The following AKNAD1 variants were observed in gnomAD, a reference collection of about 807,000 sequenced individuals.
The protein encoded by AKNAD1 is AKNA domain containing 1, also known as protein AKNAD1.
Under a neutral mutation model 90.8 loss-of-function variants are expected in AKNAD1, and 67 were observed. The observed-to-expected ratio is 0.74, with a 90% CI of 0.61 to 0.90. AKNAD1 has a LOEUF of 0.90. Among genes scored for constraint, AKNAD1 ranks in the 40% least tolerant of loss-of-function variants. The pLI is 0.00. For synonymous variants in AKNAD1, 327 were observed against 341.4 expected (o/e 0.96, Z 0.46); for missense variants, 957 against 975.4 (o/e 0.98, Z 0.25).
At chr1:108,857,777 G>C (rs542729021), upstream of AKNAD1, among the ~76,000 whole-genome samples, 2 of 152,140 alleles carry the variant, frequency 1.3e-5, no homozygotes, top group Non-Finnish European at 2.9e-5. Flanking sequence ...GTACAACCAC[G>C]TAACACTCAC....
At chr1:108,849,252 G>C (rs754002609) in intron 3 of AKNAD1, among the ~76,000 whole-genome samples, 192 bp from the exon 4 acceptor site, 94 of 152,188 alleles carry the variant, frequency 6.2e-4, no homozygotes, top group African/African-American at 2.2e-3. Context: ...AGGCCAAAGC[G>C]GGGGGATCAC....
In AKNAD1 at chr1:108,817,168, A is replaced by C. The variant is rs1224601146; in HGVS notation, c.2259T>G (p.Leu753=). The change falls in exon 15 of 16, where the codon CTT becomes CTG. Residue 753 remains leucine (L), a synonymous_variant. Coordinates refer to ENST00000370001, the MANE Select transcript of AKNAD1 (RefSeq NM_152763.5). ...EHEPTPGKKK[L]QAFMTYSSDP... is the part of the protein sequence containing the mutation. ...CTGAGCTGTAGGTCATGAAAGCCTG[A>C]AGTTTTTTTCTGGAAGACAAAAGCA... is the stretch of plus-strand genomic sequence containing the variant. 2 of 1,613,972 alleles carry C rather than the reference A, an allele frequency of 1.2e-6. No individual in the cohort carries two copies. The highest frequency in any genetic ancestry group is 2.2e-5 in the South Asian group (2 of 91,056).
Position 108,849,568 on chromosome 1 carries a change from G to A in AKNAD1, c.1002C>T (p.Pro334=), listed in dbSNP as rs1475665025. The change falls in exon 3 of 16, where the codon CCC becomes CCT. Residue 334 remains proline, a synonymous_variant. Transcript: ENST00000370001. The part of the protein sequence containing the change: ...TEPSQQIQME[P]IVHIHQELLT... ...GAAGTTCTTGGTGGATATGTACTATGGGCTCCATCTGCACAATTAAAGGGT... is the reference window on the plus strand; with the variant it reads ...GAAGTTCTTGGTGGATATGTACTATAGGCTCCATCTGCACAATTAAAGGGT... 2 of 1,596,476 alleles carry A rather than the reference G, an allele frequency of 1.3e-6. No homozygotes were observed. Among genetic ancestry groups the A allele is most frequent in the East Asian group, 4.5e-5 (2 of 44,814 alleles).
At position 108,843,196 on chromosome 1, in the gene AKNAD1, C is replaced by T; in HGVS notation, c.1317G>A (p.Leu439=). ...GCTTGTGGACTTGCTGCTGCAAAGTCAGATGCTTGTCCTTGGTGGCCAGAA... is the reference window on the plus strand; with the variant it reads ...GCTTGTGGACTTGCTGCTGCAAAGTTAGATGCTTGTCCTTGGTGGCCAGAA... The part of the protein sequence containing the change: ...QNFLATKDKH[L]TLQQQVHKHE... The change falls in exon 6 of 16, where the codon CTG becomes CTA. Residue 439 remains leucine (L), a synonymous_variant. Coordinates refer to ENST00000370001, the MANE Select transcript of AKNAD1 (RefSeq NM_152763.5). 6.2e-7 allele frequency: 1 copy of T among 1,614,188 alleles called. No individual in the cohort carries two copies. Among genetic ancestry groups the T allele is most frequent in the African/African-American group, 1.3e-5 (1 of 75,058 alleles).
chr1:108,834,690 C>A (rs957535319), intron 8 of AKNAD1, among the ~76,000 whole-genome samples, 162 bp from the exon 9 acceptor site: 1 of 152,012 alleles, frequency 6.6e-6, no homozygotes, highest in African/African-American at 2.4e-5. Context: ...TTGACCTTCA[C>A]CTCTCCCCGC....
intron 10 of AKNAD1, among the ~76,000 whole-genome samples, chr1:108,828,383 A>G (rs1378081373): frequency 6.6e-6 from 1 of 151,726 alleles, no homozygotes; most frequent in Non-Finnish European, 1.5e-5. Context: ...CCTCCTCAGA[A>G]ATCCCAACTC....
intron 10 of AKNAD1, among the ~76,000 whole-genome samples, chr1:108,827,675 G>A (rs1292534955): frequency 6.6e-6 from 1 of 150,838 alleles, no homozygotes; most frequent in Non-Finnish European, 1.5e-5. Flanking sequence ...TTAGCTGGGC[G>A]CCGTAGTGGG....
chr1:108,834,581 A>C, intron 8 of AKNAD1, 53 bp from the exon 9 acceptor site: 4 of 1,470,404 alleles, frequency 2.7e-6, no homozygotes, highest in Non-Finnish European at 3.7e-6. Context: ...TTCTTGAGCT[A>C]CCTGGGAGCT....
chr1:108,843,718 G>T (rs1051079615), intron 5 of AKNAD1, among the ~76,000 whole-genome samples: 1 of 152,132 alleles, frequency 6.6e-6, no homozygotes, highest in African/African-American at 2.4e-5. Context: ...ATGTCTGAAG[G>T]CACATAGATC....
At chr1:108,834,869 A>C in intron 8 of AKNAD1, 60 bp downstream of exon 8, 1 of 1,494,696 alleles carries the variant, frequency 6.7e-7, no homozygotes, top group Non-Finnish European at 8.9e-7. Flanking sequence ...TGGAGGCTGC[A>C]TGAGGAAGGG....
intron 14 of AKNAD1, among the ~76,000 whole-genome samples, chr1:108,818,503 T>C (rs1295069063): frequency 6.6e-6 from 1 of 152,148 alleles, no homozygotes; most frequent in East Asian, 1.9e-4. Flanking sequence ...ATAACAGCCA[T>C]CGCTTGCTGA....
At chr1:108,821,358 T>G (rs950035519) in intron 13 of AKNAD1, among the ~76,000 whole-genome samples, 1 of 151,288 alleles carries the variant, frequency 6.6e-6, no homozygotes. Flanking sequence ...GACTGAGGCA[T>G]GAGAGTCATT....
At chr1:108,826,605 G>A (rs1389818359) in intron 11 of AKNAD1, among the ~76,000 whole-genome samples, 2 of 151,582 alleles carry the variant, frequency 1.3e-5, no homozygotes, top group African/African-American at 4.8e-5. Flanking sequence ...GGAAGGATGA[G>A]GATGGACAGA....
Position 108,852,758 on chromosome 1 carries a change from G to T in AKNAD1, c.-94C>A, listed in dbSNP as rs948308624. 9 of 1,225,802 alleles carry T rather than the reference G, an allele frequency of 7.3e-6. No homozygotes were observed. The highest frequency in any genetic ancestry group is 2.0e-4 in the Middle Eastern group (1 of 4,988). The allele number at this position is 1,225,802 out of a possible 1,614,324, so 75.9% of individuals were successfully genotyped here. ...CTGGTTCTCACTGACTGTCTTCACT[G>T]TGTGCTATTCTGTGTGAAATGAGAA... is the stretch of plus-strand genomic sequence containing the variant. On this transcript the variant is annotated 5_prime_UTR_variant, in exon 2 of 16. Transcript: ENST00000370001.
At chr1:108,816,643 TGA>T (rs1156717055) in intron 15 of AKNAD1, among the ~76,000 whole-genome samples, 6 of 152,266 alleles carry the variant, frequency 3.9e-5, no homozygotes, top group African/African-American at 1.2e-4. Flanking sequence ...CCATAACCAC[TGA>T]GAGGGTATTC....
At chr1:108,857,580 C>G (rs572889674), upstream of AKNAD1, 1 of 152,772 alleles carries the variant, frequency 6.5e-6, no homozygotes, top group South Asian at 2.1e-4. Context: ...GTTTTCATCA[C>G]CAAAGGAAAA....
At chr1:108,822,225 G>A (rs1663837929) in intron 13 of AKNAD1, among the ~76,000 whole-genome samples, 1 of 152,174 alleles carries the variant, frequency 6.6e-6, no homozygotes, top group African/African-American at 2.4e-5. Context: ...CCAGTCCACA[G>A]ATGAGCTCAC....
intron 15 of AKNAD1, chr1:108,816,802 T>G: frequency 2.3e-6 from 1 of 437,650 alleles, no homozygotes; most frequent in Non-Finnish European, 4.1e-6. Flanking sequence ...GGAAATCCTG[T>G]AGCTGAGGCA....
At chr1:108,855,307 G>A (rs555851577) in intron 1 of AKNAD1, among the ~76,000 whole-genome samples, 37 of 152,316 alleles carry the variant, frequency 2.4e-4, no homozygotes, top group African/African-American at 8.2e-4. Flanking sequence ...CAGCTAGTCA[G>A]GAGGCTGAGG....
Sources: gnomAD v4.1 joint callset for allele counts (sites outside exome capture counted in the v4.1 genomes callset) on GRCh38, gnomAD v4.1.1 for gene constraint, MANE v1.5 for transcripts, NCBI Gene and HGNC (gene_info 2026-07-23, HGNC 2026-07-21) for gene names.